NPR3: variants seen among roughly 807,000 people sequenced by gnomAD.
The protein encoded by NPR3 is atrial natriuretic peptide receptor 3.
A neutral mutation model predicts 54.5 loss-of-function variants in NPR3; 34 were observed. The observed-to-expected ratio is 0.62, with a 90% CI of 0.47 to 0.83. The LOEUF (loss-of-function observed/expected upper bound fraction) is 0.83. NPR3 is among the 40% of genes least tolerant of loss of function. NPR3 has a pLI of 0.00. For synonymous variants in NPR3, 289 were observed against 297.1 expected (o/e 0.97, Z 0.28); for missense variants, 674 against 720.8 (o/e 0.94, Z 0.74).
intron 1 of NPR3, among the ~76,000 whole-genome samples, chr5:32,701,508 T>G (rs1032654199): frequency 6.6e-6 from 1 of 152,268 alleles, no homozygotes; most frequent in Non-Finnish European, 1.5e-5. Context: ...GGATTGATCC[T>G]TGTTGCCTTA....
rs1742879638 is a variant in NPR3 at position 32,791,003 on chromosome 5, A to G, written c.*4658A>G. 1 of 167,134 alleles carries G rather than the reference A, an allele frequency of 6.0e-6. No homozygotes were observed. Among genetic ancestry groups the G allele is most frequent in the African/African-American group, 2.4e-5 (1 of 41,464 alleles). 10.4% of individuals were successfully genotyped at this position (167,134 alleles called of 1,614,324 possible). ...CTACTTACCAAGTGTAAATCACAAC[A>G]TAGGCTACCAAAATATTTCTTATTT... On this transcript the variant is annotated 3_prime_UTR_variant, in exon 8 of 8. Transcript: ENST00000265074.
intron 1 of NPR3, among the ~76,000 whole-genome samples, chr5:32,719,564 T>C (rs1396331529): frequency 6.6e-6 from 1 of 152,172 alleles, no homozygotes; most frequent in Non-Finnish European, 1.5e-5. Flanking sequence ...TTCCTGGAAA[T>C]TTTTAGAATG....
chr5:32,742,105 T>C (rs562438581), intron 3 of NPR3, among the ~76,000 whole-genome samples: 1 of 151,990 alleles, frequency 6.6e-6, no homozygotes, highest in African/African-American at 2.4e-5. Context: ...CTTCTCTTAT[T>C]TGTGCTAATG....
intron 3 of NPR3, among the ~76,000 whole-genome samples, chr5:32,771,719 A>G (rs3811960): frequency 0.34 from 51,165 of 151,924 alleles, 9,847 homozygotes; most frequent in African/African-American, 0.54. Flanking sequence ...GGCCTGTCTT[A>G]GGAACCCCAG....
chr5:32,702,203 G>T (rs367943599), intron 1 of NPR3, among the ~76,000 whole-genome samples: 1 of 152,132 alleles, frequency 6.6e-6, no homozygotes, highest in Non-Finnish European at 1.5e-5. Flanking sequence ...TCTACCTGGC[G>T]CACTAGTCTA....
intron 1 of NPR3, among the ~76,000 whole-genome samples, chr5:32,721,213 T>C (rs1283440787): frequency 2.0e-5 from 3 of 152,368 alleles, no homozygotes; most frequent in South Asian, 4.1e-4. Context: ...GACAGTGCTC[T>C]GCTCATGAAC....
At chr5:32,701,153 A>T (rs1372336658) in intron 1 of NPR3, among the ~76,000 whole-genome samples, 1 of 152,138 alleles carries the variant, frequency 6.6e-6, no homozygotes, top group Non-Finnish European at 1.5e-5. Flanking sequence ...ACCACTGATG[A>T]TGAGCATTTT....
intron 3 of NPR3, among the ~76,000 whole-genome samples, chr5:32,764,394 T>C (rs1741333181): frequency 6.6e-6 from 1 of 152,076 alleles, no homozygotes; most frequent in South Asian, 2.1e-4. Flanking sequence ...GCCCTGTCAA[T>C]TTAGTTTCCA....
intron 3 of NPR3, among the ~76,000 whole-genome samples, chr5:32,758,340 T>C (rs571209900): frequency 3.2e-4 from 49 of 152,180 alleles, no homozygotes; most frequent in African/African-American, 1.2e-3. Flanking sequence ...GGAGGGTGTA[T>C]GTGTCCAGGA....
In NPR3 at chr5:32,784,020, T is replaced by C. The variant is rs192863895; in HGVS notation, c.1427-776T>C. On this transcript the variant is annotated intron_variant, in intron 6 of 7. Transcript: ENST00000265074. ...TTGTTATCCACATTTTCCAAAGCTATGTAGGACATTTTGACATGAAACGCT... is the reference window on the plus strand; with the variant it reads ...TTGTTATCCACATTTTCCAAAGCTACGTAGGACATTTTGACATGAAACGCT... 5.3e-3 allele frequency among the ~76,000 whole-genome samples: 801 copies of C among 152,336 alleles called. 8 individuals carry two copies. The highest frequency in any genetic ancestry group is 0.018 in the African/African-American group (766 of 41,570).
intron 1 of NPR3, among the ~76,000 whole-genome samples, chr5:32,723,043 A>G (rs1305614650): frequency 6.6e-6 from 1 of 152,210 alleles, no homozygotes; most frequent in Non-Finnish European, 1.5e-5. Flanking sequence ...TAAACTAAAT[A>G]TCAACAAGAA....
intron 2 of NPR3, among the ~76,000 whole-genome samples, chr5:32,732,398 TG>T (rs1739510840): frequency 2.6e-5 from 4 of 152,126 alleles, no homozygotes; most frequent in Admixed American, 2.6e-4. Flanking sequence ...TGGTTCTCTG[TG>T]AAAGGCTTTC....
At chr5:32,710,859 G>GTTTTTTTTTTTTTTTTTTTT (rs56022335), upstream of NPR3, 543 of 979,356 alleles carry the variant, frequency 5.5e-4, 7 homozygotes, top group Admixed American at 1.3e-3. Context: ...CCCAGTCCTG[G>GTTTTTTTTTTTTTTTTTTTT]TTTTTTTTTT....
intron 2 of NPR3, among the ~76,000 whole-genome samples, chr5:32,725,151 G>T: frequency 6.6e-6 from 1 of 152,142 alleles, no homozygotes; most frequent in East Asian, 1.9e-4. Flanking sequence ...AAAAAACCCT[G>T]TTGGGTACTA....
In NPR3 at chr5:32,720,000, C is replaced by T. The variant is rs145460203; in HGVS notation, c.770-4698C>T. 2.4e-3 allele frequency among the ~76,000 whole-genome samples: 368 copies of T among 152,212 alleles called. 3 individuals are homozygous for T. Among genetic ancestry groups the T allele is most frequent in the Non-Finnish European group, 4.0e-3 (270 of 68,010 alleles). ...AACCAGATGGAGAATATGAATATATCCTTATTATTGATAAAAGCAGTTGAA... is the reference window on the plus strand; with the variant it reads ...AACCAGATGGAGAATATGAATATATTCTTATTATTGATAAAAGCAGTTGAA... On this transcript the variant is annotated intron_variant, in intron 1 of 7. Coordinates refer to ENST00000265074, the MANE Select transcript of NPR3 (RefSeq NM_001204375.2).
In NPR3 at chr5:32,713,932, C is replaced by A. The variant is rs73755097; in HGVS notation, c.769+1387C>A. Among the ~76,000 whole-genome samples, 5 of 152,310 alleles carry A rather than the reference C, an allele frequency of 3.3e-5. No homozygotes were observed. The South Asian group carries it at 1.0e-3, about 32-fold the overall frequency. On this transcript the variant is annotated intron_variant, in intron 1 of 7. Transcript: ENST00000265074. Reference sequence around the variant, plus strand: ...ATTCCTACCAGCCAAGCAGGCGGGGCGCAGGCTTTGCCGATTATGAAAAAG... The same window carrying A: ...ATTCCTACCAGCCAAGCAGGCGGGGAGCAGGCTTTGCCGATTATGAAAAAG...
At chr5:32,735,611 C>T (rs991694030) in intron 2 of NPR3, among the ~76,000 whole-genome samples, 3 of 152,096 alleles carry the variant, frequency 2.0e-5, no homozygotes, top group Non-Finnish European at 2.9e-5. Flanking sequence ...CGGCTGTGAA[C>T]GCTTGGTGTC....
intron 1 of NPR3, chr5:32,713,088 A>T: frequency 1.3e-6 from 1 of 772,422 alleles, no homozygotes; most frequent in Non-Finnish European, 1.6e-6. Context: ...AGGCTTGTTG[A>T]CTCACTCTTC....
chr5:32,786,398 CG>C lies in NPR3; in HGVS notation c.*56del. ...GCCTGAGATTCTTTAAGGAGATAGA[CG>C]GGTTGAAAGACATCAATGAAACAGA... On this transcript the variant is annotated 3_prime_UTR_variant, in exon 8 of 8. Transcript: ENST00000265074. 1 of 742,740 alleles carries C rather than the reference CG, an allele frequency of 1.3e-6. No homozygotes were observed. The highest frequency in any genetic ancestry group is 1.6e-5 in the South Asian group (1 of 62,276). The allele number at this position is 742,740 out of a possible 1,614,324, so 46.0% of individuals were successfully genotyped here. A position where few individuals can be genotyped will look rare whatever the true frequency, so the allele number is the denominator to read the frequency against.
Sources: gnomAD v4.1 joint callset for allele counts (sites outside exome capture counted in the v4.1 genomes callset) on GRCh38, gnomAD v4.1.1 for gene constraint, MANE v1.5 for transcripts, NCBI Gene and HGNC (gene_info 2026-07-23, HGNC 2026-07-21) for gene names.